OIP5: variants seen among roughly 807,000 people sequenced by gnomAD.
The protein encoded by OIP5 is Opa interacting protein 5.
OIP5 carries 24 observed loss-of-function variants against 20.3 expected under a neutral mutation model. The ratio of observed to expected loss-of-function variants is 1.18; its 90% confidence interval spans 0.86 to 1.66. OIP5 has a LOEUF of 1.66. OIP5 is among the 40% of genes most tolerant of loss of function. OIP5 has a pLI of 0.00. For missense variants in OIP5, 339 were observed against 289.5 expected, an observed-to-expected ratio of 1.17 and a Z score of -1.24; for synonymous variants, 143 against 121.3, an observed-to-expected ratio of 1.18 and a Z score of -1.17.
chr15:41,310,365 G>A (rs1180983365), intron 4 of OIP5, among the ~76,000 whole-genome samples: 1 of 152,172 alleles, frequency 6.6e-6, no homozygotes, highest in Non-Finnish European at 1.5e-5. Context: ...AGTGGCTCAC[G>A]CCTCTAACCC....
intron 3 of OIP5, among the ~76,000 whole-genome samples, chr15:41,313,844 T>C (rs1290651699): frequency 6.6e-6 from 1 of 152,148 alleles, no homozygotes; most frequent in Non-Finnish European, 1.5e-5. Flanking sequence ...GGTGAGGTCC[T>C]GGAACCACAG....
At chr15:41,330,645 C>T (rs973047690) in intron 2 of OIP5, among the ~76,000 whole-genome samples, 1 of 151,790 alleles carries the variant, frequency 6.6e-6, no homozygotes, top group African/African-American at 2.4e-5. Flanking sequence ...CCTTGTGATC[C>T]GCCCGCCTCG....
At position 41,332,308 on chromosome 15, in the gene OIP5, G is replaced by A; in HGVS notation, c.254C>T (p.Ala85Val). The change falls in exon 1 of 5, where the codon GCA becomes GTA. Residue 85 changes from alanine (A) to valine (V), a missense_variant. Coordinates refer to ENST00000220514, the MANE Select transcript of OIP5 (RefSeq NM_007280.2). Reference sequence around the variant, plus strand: ...GAGGTGCACCGAGTCGGCGAGCACTGCGTGACACTGTGCGCACTGGAACAC... The same window carrying A: ...GAGGTGCACCGAGTCGGCGAGCACTACGTGACACTGTGCGCACTGGAACAC... Reference protein sequence around the residue: ...CAVFQCAQCHAVLADSVHLAW... With the variant: ...CAVFQCAQCHVVLADSVHLAW... The A allele has an allele frequency of 6.2e-7, 1 of 1,603,798 alleles. No individual in the cohort carries two copies. The highest frequency in any genetic ancestry group is 8.5e-7 in the Non-Finnish European group (1 of 1,175,284).
chr15:41,315,293 G>A (rs1161910552), intron 3 of OIP5, among the ~76,000 whole-genome samples: 1 of 151,752 alleles, frequency 6.6e-6, no homozygotes, highest in Non-Finnish European at 1.5e-5. Context: ...AGCAGGCTGT[G>A]GTGGAGCGCA....
chr15:41,332,070 A>G lies in OIP5; in HGVS notation c.323-89T>C, dbSNP rs182299995. The stretch of plus-strand genomic sequence containing the variant: ...CTAGACAGACTCATCCTGGCCGTAA[A>G]TATCAGGAGACTCCCCGATTCCCTG... On this transcript the variant is annotated intron_variant, in intron 1 of 4. Coordinates refer to ENST00000220514, the MANE Select transcript of OIP5 (RefSeq NM_007280.2). 4.5e-5 allele frequency: 63 copies of G among 1,402,598 alleles called. 1 individual carries two copies. The Admixed American group carries it at 1.0e-3, about 23-fold the overall frequency. 86.9% of individuals were successfully genotyped at this position (1,402,598 alleles called of 1,614,324 possible).
At chr15:41,318,389 TGACCTCAGGTGAACCCCC>T (rs2047801761) in intron 3 of OIP5, among the ~76,000 whole-genome samples, 1 of 152,098 alleles carries the variant, frequency 6.6e-6, no homozygotes, top group Non-Finnish European at 1.5e-5. Flanking sequence ...CTCGAACTCC[TGACCTCAGGTGAACCCCC>T]GACCTCAGCC....
At position 41,332,276 on chromosome 15, in the gene OIP5, C is replaced by G. The variant is rs374055137; in HGVS notation, c.286G>C (p.Asp96His). 9.6e-6 allele frequency: 15 copies of G among 1,567,704 alleles called. No homozygotes were observed. In the East Asian group the frequency reaches 3.1e-4, roughly 33 times the overall value. The change falls in exon 1 of 5, where the codon GAC becomes CAC. Residue 96 changes from aspartate (D) to histidine (H), a missense_variant. Coordinates refer to ENST00000220514, the MANE Select transcript of OIP5 (RefSeq NM_007280.2). ...VLADSVHLAW[D>H]LSRSLGAVVF... ...ACGGCCCCGAGGGACCGCGACAGGT[C>G]CCAGGCGAGGTGCACCGAGTCGGCG...
chr15:41,332,539 T>A lies in OIP5; in HGVS notation c.23A>T (p.His8Leu), dbSNP rs768176736. MAAQPLR[H>L]RSRCATPPRG... ...GGGCGGCGTTGCACAACGTGAGCGA[T>A]GCCGCAGCGGCTGAGCCGCCATCTT... is the stretch of plus-strand genomic sequence containing the variant. The change falls in exon 1 of 5, where the codon CAT becomes CTT. Residue 8 changes from histidine to leucine, a missense_variant. His to Leu is a moderately conservative substitution (Grantham distance 99). Coordinates refer to ENST00000220514, the MANE Select transcript of OIP5 (RefSeq NM_007280.2). 6.2e-7 allele frequency: 1 copy of A among 1,608,938 alleles called. No homozygotes were observed. The highest frequency in any genetic ancestry group is 8.5e-7 in the Non-Finnish European group (1 of 1,177,680).
chr15:41,332,422 G>T lies in OIP5; in HGVS notation c.140C>A (p.Ser47Tyr). ...CAGCCCTGCGGGGCCGAGCGGCGAG[G>T]ACCCCTTCACCACCTGCGTATCCCA... ...MEWDTQVVKGSSPLGPAGLGA... is the reference protein window; with the variant it reads ...MEWDTQVVKGYSPLGPAGLGA... Residue 47 changes from serine (S) to tyrosine (Y), a missense_variant, in exon 1 of 5, where the codon TCC becomes TAC. Transcript: ENST00000220514. The T allele has an allele frequency of 6.2e-7, 1 of 1,614,024 alleles. No individual in the cohort carries two copies. The highest frequency in any genetic ancestry group is 1.1e-5 in the South Asian group (1 of 91,082).
chr15:41,324,078 G>A (rs1567027036), intron 2 of OIP5, among the ~76,000 whole-genome samples: 1 of 143,102 alleles, frequency 7.0e-6, no homozygotes, highest in Non-Finnish European at 1.5e-5. Flanking sequence ...TTGCAGCCTC[G>A]ACCTCTCTGG....
At chr15:41,313,022 T>C (rs2047768368) in intron 4 of OIP5, among the ~76,000 whole-genome samples, 1 of 152,252 alleles carries the variant, frequency 6.6e-6, no homozygotes, top group Admixed American at 6.5e-5. Flanking sequence ...GGCAAGATGA[T>C]GATATCCATT....
rs1236494721 is a variant in OIP5, at chr15:41,332,572, C to G, written c.-11G>C. The G allele has an allele frequency of 3.1e-6, 5 of 1,589,436 alleles. No homozygotes were observed. The highest frequency in any genetic ancestry group is 4.3e-6 in the Non-Finnish European group (5 of 1,168,386). On this transcript the variant is annotated 5_prime_UTR_variant, in exon 1 of 5. Coordinates refer to ENST00000220514, the MANE Select transcript of OIP5 (RefSeq NM_007280.2). ...CGGCTGAGCCGCCATCTTCCCGCAG[C>G]CGGCGCCTTCCTTTCGAATACACGC...
intron 2 of OIP5, among the ~76,000 whole-genome samples, chr15:41,330,231 C>T (rs1489397759): frequency 3.3e-5 from 5 of 151,758 alleles, no homozygotes; most frequent in Non-Finnish European, 7.4e-5. Flanking sequence ...TACAGCCTAG[C>T]TGGGATTACA....
chr15:41,332,490 A>C lies in OIP5; in HGVS notation c.72T>G (p.Thr24=). 1.2e-6 allele frequency: 2 copies of C among 1,614,074 alleles called. No individual in the cohort carries two copies. The highest frequency in any genetic ancestry group is 1.7e-6 in the Non-Finnish European group (2 of 1,179,936). ...AAGAAGCTTGGTCAATCGCCCTCTC[A>C]GTGCCACCACAAAAGTCCCCCCGGG... is the stretch of plus-strand genomic sequence containing the variant. ...TPPRGDFCGG[T]ERAIDQASFT... is the part of the protein sequence containing the mutation. The change falls in exon 1 of 5, where the codon ACT becomes ACG. Residue 24 remains threonine, a synonymous_variant. Transcript: ENST00000220514.
At chr15:41,327,077 T>TAA (rs199500490) in intron 2 of OIP5, among the ~76,000 whole-genome samples, 4 of 143,914 alleles carry the variant, frequency 2.8e-5, no homozygotes, top group Middle Eastern at 3.3e-3. Flanking sequence ...CTCCAGGAAT[T>TAA]AAAAAAAAAA....
rs140765131 is a variant in OIP5 at position 41,315,801 on chromosome 15, T to G, written c.513-2447A>C. 2.1e-3 allele frequency among the ~76,000 whole-genome samples: 318 copies of G among 152,256 alleles called. 1 individual carries two copies. Among genetic ancestry groups the G allele is most frequent in the African/African-American group, 7.2e-3 (299 of 41,552 alleles). On this transcript the variant is annotated intron_variant, in intron 3 of 4. Transcript: ENST00000220514. The stretch of plus-strand genomic sequence containing the variant: ...ATGTGGGATTACTAACAGCACACAT[T>G]TACAGTTTTTTTTCCCACTTTAAAG...
At chr15:41,320,255 C>T (rs1424546627) in intron 2 of OIP5, among the ~76,000 whole-genome samples, 6 of 151,982 alleles carry the variant, frequency 3.9e-5, no homozygotes, top group Admixed American at 6.6e-5. Context: ...GAAAAAAATG[C>T]GCCCTCTCCC....
chr15:41,320,426 C>T (rs1332357938), intron 2 of OIP5, among the ~76,000 whole-genome samples: 2 of 152,214 alleles, frequency 1.3e-5, no homozygotes, highest in African/African-American at 2.4e-5. Context: ...TGCAGGCACG[C>T]GCCGCCACAC....
chr15:41,332,267 G>T lies in OIP5; in HGVS notation c.295C>A (p.Arg99=). ...GAGAAGACCACGGCCCCGAGGGACCGCGACAGGTCCCAGGCGAGGTGCACC... is the reference window on the plus strand; with the variant it reads ...GAGAAGACCACGGCCCCGAGGGACCTCGACAGGTCCCAGGCGAGGTGCACC... The part of the protein sequence containing the change: ...DSVHLAWDLS[R]SLGAVVFSRV... The change falls in exon 1 of 5, where the codon CGG becomes AGG. Residue 99 remains arginine, a synonymous_variant. Coordinates refer to ENST00000220514, the MANE Select transcript of OIP5 (RefSeq NM_007280.2). 1 of 1,555,262 alleles carries T rather than the reference G, an allele frequency of 6.4e-7. No individual in the cohort carries two copies.
Sources: gnomAD v4.1 joint callset for allele counts (sites outside exome capture counted in the v4.1 genomes callset) on GRCh38, gnomAD v4.1.1 for gene constraint, MANE v1.5 for transcripts, NCBI Gene and HGNC (gene_info 2026-07-23, HGNC 2026-07-21) for gene names.